The following SPTY2D1 variants were observed in gnomAD, a reference collection of about 807,000 sequenced individuals.
SPTY2D1 encodes the protein SPT2 chromatin protein domain containing 1.
SPTY2D1 carries 21 observed loss-of-function variants against 64.0 expected under a neutral mutation model. That is an observed-to-expected ratio of 0.33 (90% CI 0.23 to 0.47). The LOEUF (loss-of-function observed/expected upper bound fraction) is 0.47. Ranked by LOEUF, SPTY2D1 falls within the 20% of genes least tolerant of loss-of-function variation. SPTY2D1 has a pLI of 1.00. For synonymous variants in SPTY2D1, 287 were observed against 286.8 expected (o/e 1.00, Z -0.01); for missense variants, 724 against 837.2 (o/e 0.86, Z 1.67).
In SPTY2D1 at chr11:18,606,720, T is replaced by A. The variant is rs1565156236; in HGVS notation, c.*3141A>T. ...CAACCAGTCTCTCTTCATATATTTA[T>A]TCTCTTTCCAAACATGTTTTGGTCT... On this transcript the variant is annotated 3_prime_UTR_variant, in exon 6 of 6. Transcript: ENST00000336349. 1 of 405,318 alleles carries A rather than the reference T, an allele frequency of 2.5e-6. No individual in the cohort carries two copies. Among genetic ancestry groups the A allele is most frequent in the Non-Finnish European group, 4.7e-6 (1 of 211,732 alleles). 25.1% of individuals were successfully genotyped at this position (405,318 alleles called of 1,614,324 possible). A position where few individuals can be genotyped will look rare whatever the true frequency, so the allele number is the denominator to read the frequency against.
intron 1 of SPTY2D1, among the ~76,000 whole-genome samples, chr11:18,628,521 G>T (rs1056685106): frequency 1.3e-5 from 2 of 152,152 alleles, no homozygotes; most frequent in African/African-American, 4.8e-5. Flanking sequence ...CCACAGGCTG[G>T]ATTACATTAT....
In SPTY2D1 at chr11:18,616,860, G is replaced by C; in HGVS notation, c.175+15C>G. 4.3e-6 allele frequency: 7 copies of C among 1,610,194 alleles called. No homozygotes were observed. The highest frequency in any genetic ancestry group is 5.9e-6 in the Non-Finnish European group (7 of 1,176,888). On this transcript the variant is annotated intron_variant, in intron 2 of 5. Coordinates refer to ENST00000336349, the MANE Select transcript of SPTY2D1 (RefSeq NM_194285.3). ...GGAATACTTTAAAATTGAGAATAAG[G>C]CTATAGATACATACCTTTTCGTCTC...
rs114733180 is a variant in SPTY2D1 at position 18,634,311 on chromosome 11, C to A, written c.-54G>T. ...AGGCACTCGGAAAGGACTGACAGCGCACCTAACCGAGGCGCCCAGCTACAG... is the reference window on the plus strand; with the variant it reads ...AGGCACTCGGAAAGGACTGACAGCGAACCTAACCGAGGCGCCCAGCTACAG... On this transcript the variant is annotated 5_prime_UTR_variant, in exon 1 of 6. Coordinates refer to ENST00000336349, the MANE Select transcript of SPTY2D1 (RefSeq NM_194285.3). 5,843 of 1,600,150 alleles carry A rather than the reference C, an allele frequency of 3.7e-3. 141 individuals carry two copies. In the African/African-American group the frequency reaches 0.061, roughly 17 times the overall value.
chr11:18,614,880 G>A lies in SPTY2D1; in HGVS notation c.1394C>T (p.Pro465Leu), dbSNP rs529951572. 48 of 1,613,708 alleles carry A rather than the reference G, an allele frequency of 3.0e-5. No homozygotes were observed. The South Asian group carries it at 4.7e-4, about 16-fold the overall frequency. The change falls in exon 3 of 6, where the codon CCT becomes CTT. Residue 465 changes from proline (P) to leucine (L), a missense_variant. By Grantham distance (98) the Pro-to-Leu change is moderately conservative. This residue lies in a region of SPTY2D1 where 426 missense variants were observed against 431.8 expected (regional missense o/e 0.99). Coordinates refer to ENST00000336349, the MANE Select transcript of SPTY2D1 (RefSeq NM_194285.3). The part of the protein sequence containing the change: ...SARPLGSSRG[P>L]GRPVSSPHEL... ...ATGTGGACTGCTCACAGGCCGGCCAGGGCCACGAGAGCTGCCCAAGGGTCT... is the reference window on the plus strand; with the variant it reads ...ATGTGGACTGCTCACAGGCCGGCCAAGGCCACGAGAGCTGCCCAAGGGTCT...
Position 18,625,903 on chromosome 11 carries a change from C to T in SPTY2D1, c.60+8295G>A, listed in dbSNP as rs539022003. On this transcript the variant is annotated intron_variant, in intron 1 of 5. Coordinates refer to ENST00000336349, the MANE Select transcript of SPTY2D1 (RefSeq NM_194285.3). ...TGGTCTCGGCTCACTGCAACCTCCA[C>T]CTCCTGGGTTCAAGCAATTCTCCTG... Among the ~76,000 whole-genome samples the T allele has an allele frequency of 2.5e-3, 386 of 151,692 alleles. 2 individuals carry two copies. The highest frequency in any genetic ancestry group is 8.7e-3 in the African/African-American group (361 of 41,338).
At position 18,612,171 on chromosome 11, in the gene SPTY2D1, C is replaced by T. The variant is rs1013381694; in HGVS notation, c.1886+143G>A. The T allele has an allele frequency of 1.5e-4, 77 of 525,748 alleles. No individual in the cohort carries two copies. Among genetic ancestry groups the T allele is most frequent in the African/African-American group, 1.3e-3 (66 of 51,500 alleles). The allele number at this position is 525,748 out of a possible 1,614,324, so 32.6% of individuals were successfully genotyped here. A position where few individuals can be genotyped will look rare whatever the true frequency, so the allele number is the denominator to read the frequency against. On this transcript the variant is annotated intron_variant, in intron 4 of 5. Coordinates refer to ENST00000336349, the MANE Select transcript of SPTY2D1 (RefSeq NM_194285.3). The surrounding 1 kb of genome is among the most constrained non-coding windows in gnomAD (Gnocchi z 4.6). ...TAAAATATTTAGTGCTAAAAGAGTA[C>T]GTTTATTTAAATAACAATCACCCAA...
rs1257986366 is a variant in SPTY2D1, at chr11:18,615,046, G to A, written c.1228C>T (p.Arg410Ter). 1.2e-6 allele frequency: 2 copies of A among 1,614,120 alleles called. No homozygotes were observed. Among genetic ancestry groups the A allele is most frequent in the Admixed American group, 1.7e-5 (1 of 60,030 alleles). Residue 410 changes from arginine to a stop codon, truncating the protein, a stop_gained, in exon 3 of 6, where the codon CGA (arginine) becomes TGA (stop). Coordinates refer to ENST00000336349, the MANE Select transcript of SPTY2D1 (RefSeq NM_194285.3). LOFTEE classifies it high-confidence loss of function. Reference protein sequence around the residue: ...QNGSSSSGPERSISGSKKPTN... With the variant: ...QNGSSSSGPE Reference sequence around the variant, plus strand: ...GGCTTCTTGGACCCACTGATTGATCGCTCAGGTCCTGAGCTGGAGCTGCCA... The same window carrying A: ...GGCTTCTTGGACCCACTGATTGATCACTCAGGTCCTGAGCTGGAGCTGCCA...
chr11:18,622,166 T>C (rs1854421664), intron 1 of SPTY2D1, among the ~76,000 whole-genome samples: 1 of 148,042 alleles, frequency 6.8e-6, no homozygotes, highest in Non-Finnish European at 1.5e-5. Flanking sequence ...AAAACACTCT[T>C]AGACAAAGTT....
chr11:18,634,169 C>G (rs1488449218), intron 1 of SPTY2D1, 29 bp downstream of exon 1: 20 of 1,613,536 alleles, frequency 1.2e-5, no homozygotes, highest in Non-Finnish European at 1.6e-5. Context: ...ACTAGGGTCC[C>G]CTACATTGAT....
intron 1 of SPTY2D1, among the ~76,000 whole-genome samples, chr11:18,624,501 G>A (rs1854465406): frequency 6.6e-6 from 1 of 152,202 alleles, no homozygotes; most frequent in African/African-American, 2.4e-5. Context: ...CCACCACAGT[G>A]AAGCTTGTCA....
chr11:18,622,096 A>AG (rs1211181448), intron 1 of SPTY2D1, among the ~76,000 whole-genome samples: 1 of 147,884 alleles, frequency 6.8e-6, no homozygotes, highest in African/African-American at 2.5e-5. Flanking sequence ...CAAAAAAAAA[A>AG]AAAAAAAACC....
chr11:18,615,376 G>C lies in SPTY2D1; in HGVS notation c.898C>G (p.Leu300Val), dbSNP rs574546814. 43 of 1,614,230 alleles carry C rather than the reference G, an allele frequency of 2.7e-5. 2 individuals carry two copies. The South Asian group carries it at 4.5e-4, about 17-fold the overall frequency. The change falls in exon 3 of 6, where the codon CTT (leucine) becomes GTT (valine). Residue 300 changes from leucine to valine, a missense_variant. Leu to Val is a conservative substitution (Grantham distance 32). Transcript: ENST00000336349. ...AGSGNSSQPS[L>V]REGHDKPVFN... Reference sequence around the variant, plus strand: ...ACAGGTTTGTCGTGGCCCTCACGAAGTGAGGGTTGGGAGCTATTGCCAGAT... The same window carrying C: ...ACAGGTTTGTCGTGGCCCTCACGAACTGAGGGTTGGGAGCTATTGCCAGAT...
chr11:18,633,353 T>G (rs1174984065), intron 1 of SPTY2D1, among the ~76,000 whole-genome samples: 1 of 152,102 alleles, frequency 6.6e-6, no homozygotes, highest in Admixed American at 6.6e-5. Context: ...GGCATCACCA[T>G]GCAACTTATC....
At chr11:18,627,294 T>A (rs1054235833) in intron 1 of SPTY2D1, among the ~76,000 whole-genome samples, 1 of 146,466 alleles carries the variant, frequency 6.8e-6, no homozygotes, top group Non-Finnish European at 1.5e-5. Context: ...CCAGGCGTGG[T>A]GGCACATGCC....
chr11:18,607,994 T>A lies in SPTY2D1; in HGVS notation c.*1867A>T, dbSNP rs747559400. ...ATTTCAGAGTCTGAATACTGAAAAA[T>A]ATATATATCCAATAAAAAATTTTTG... On this transcript the variant is annotated 3_prime_UTR_variant, in exon 6 of 6. Coordinates refer to ENST00000336349, the MANE Select transcript of SPTY2D1 (RefSeq NM_194285.3). 1.4e-4 allele frequency: 21 copies of A among 152,446 alleles called. No homozygotes were observed. Among genetic ancestry groups the A allele is most frequent in the African/African-American group, 2.2e-4 (9 of 41,518 alleles). The allele number at this position is 152,446 out of a possible 1,614,324, so 9.4% of individuals were successfully genotyped here. A position where few individuals can be genotyped will look rare whatever the true frequency, so the allele number is the denominator to read the frequency against.
At position 18,607,920 on chromosome 11, in the gene SPTY2D1, A is replaced by T. The variant is rs946070845; in HGVS notation, c.*1941T>A. ...ATAAATTTACTGCTAGTAAACTTTAAGCCACCAGAAATCTTTCAGCTGTGA... is the reference window on the plus strand; with the variant it reads ...ATAAATTTACTGCTAGTAAACTTTATGCCACCAGAAATCTTTCAGCTGTGA... On this transcript the variant is annotated 3_prime_UTR_variant, in exon 6 of 6. Coordinates refer to ENST00000336349, the MANE Select transcript of SPTY2D1 (RefSeq NM_194285.3). 11 of 152,328 alleles carry T rather than the reference A, an allele frequency of 7.2e-5. No individual in the cohort carries two copies. The highest frequency in any genetic ancestry group is 2.6e-4 in the African/African-American group (11 of 41,568). 9.4% of individuals were successfully genotyped at this position (152,328 alleles called of 1,614,324 possible).
At chr11:18,627,216 CAG>C (rs1212924275) in intron 1 of SPTY2D1, among the ~76,000 whole-genome samples, 2 of 140,926 alleles carry the variant, frequency 1.4e-5, no homozygotes, top group African/African-American at 5.4e-5. Context: ...AATTCGAGAC[CAG>C]CCTGGCCAGC....
At chr11:18,623,241 T>G (rs572272019) in intron 1 of SPTY2D1, among the ~76,000 whole-genome samples, 3 of 152,336 alleles carry the variant, frequency 2.0e-5, no homozygotes, top group African/African-American at 7.2e-5. Context: ...CCTATGTTGT[T>G]GAAGGGTCAA....
chr11:18,614,867 C>A lies in SPTY2D1; in HGVS notation c.1407G>T (p.Val469=). 6.2e-7 allele frequency: 1 copy of A among 1,613,770 alleles called. No individual in the cohort carries two copies. The highest frequency in any genetic ancestry group is 8.5e-7 in the Non-Finnish European group (1 of 1,179,794). ...GTCGTCGAAGTTCATGTGGACTGCT[C>A]ACAGGCCGGCCAGGGCCACGAGAGC... ...LGSSRGPGRP[V]SSPHELRRPV... The change falls in exon 3 of 6, where the codon GTG becomes GTT. Residue 469 remains valine (V), a synonymous_variant. Coordinates refer to ENST00000336349, the MANE Select transcript of SPTY2D1 (RefSeq NM_194285.3).
Sources: gnomAD v4.1 joint callset for allele counts (sites outside exome capture counted in the v4.1 genomes callset) on GRCh38, gnomAD v4.1.1 for gene constraint, gnomAD v4.1.1 regional missense constraint, Gnocchi (gnomAD v3.1) non-coding constraint, MANE v1.5 for transcripts, NCBI Gene and HGNC (gene_info 2026-07-23, HGNC 2026-07-21) for gene names.